WWOX: variants seen among roughly 807,000 people sequenced by gnomAD.
The protein encoded by WWOX is WW domain containing oxidoreductase.
Under a neutral mutation model 46.2 loss-of-function variants are expected in WWOX, and 69 were observed. The observed-to-expected ratio is 1.49, with a 90% CI of 1.23 to 1.82. The LOEUF (loss-of-function observed/expected upper bound fraction) is 1.82, where lower values mean the gene tolerates loss of function less well. Among genes scored for constraint, WWOX ranks in the 40% most tolerant of loss-of-function variants. The pLI, the probability that WWOX is intolerant of heterozygous loss-of-function variation, is 0.00. For synonymous variants in WWOX, 359 were observed against 202.6 expected (o/e 1.77, Z -6.56); for missense variants, 919 against 542.6 (o/e 1.69, Z -6.89).
At chr16:78,617,752 G>A (rs77283896) in intron 8 of WWOX, among the ~76,000 whole-genome samples, 4,397 of 152,192 alleles carry the variant, frequency 0.029, 233 homozygotes, top group African/African-American at 0.1. Flanking sequence ...GTGCCATCTT[G>A]GGCATCTCAC....
At chr16:78,855,746 C>T (rs1339384778) in intron 8 of WWOX, among the ~76,000 whole-genome samples, 5 of 152,180 alleles carry the variant, frequency 3.3e-5, no homozygotes, top group Non-Finnish European at 5.9e-5. Context: ...CCTCTCCTAA[C>T]TTCTGTGTTT....
chr16:79,028,304 T>A (rs1376563075), intron 8 of WWOX, among the ~76,000 whole-genome samples: 1 of 151,960 alleles, frequency 6.6e-6, no homozygotes, highest in South Asian at 2.1e-4. Context: ...AAATGGAAAG[T>A]TCCCCTGGAT....
chr16:78,922,696 A>T (rs2045407201), intron 8 of WWOX, among the ~76,000 whole-genome samples: 2 of 151,840 alleles, frequency 1.3e-5, no homozygotes, highest in Non-Finnish European at 1.5e-5. Flanking sequence ...ATGTTTTTTA[A>T]TTTGGAAAGG....
rs111326602 is a variant in WWOX at position 78,546,680 on chromosome 16, G to A, written c.1056+113928G>A. Among the ~76,000 whole-genome samples, 41 of 152,288 alleles carry A rather than the reference G, an allele frequency of 2.7e-4. 1 individual carries two copies. Among genetic ancestry groups the A allele is most frequent in the African/African-American group, 9.6e-4 (40 of 41,552 alleles). On this transcript the variant is annotated intron_variant, in intron 8 of 8. Transcript: ENST00000566780. ...GTTAGTACATTCAGGATGGGGTCTA[G>A]GAATCAGTGTGTTTAAGAAGTGCAT...
chr16:79,175,855 T>G (rs2050789974), intron 8 of WWOX, among the ~76,000 whole-genome samples: 1 of 152,188 alleles, frequency 6.6e-6, no homozygotes, highest in African/African-American at 2.4e-5. Context: ...CCCACTCCCC[T>G]AATTACTCAT....
At chr16:79,064,146 C>T (rs2048401906) in intron 8 of WWOX, among the ~76,000 whole-genome samples, 1 of 152,136 alleles carries the variant, frequency 6.6e-6, no homozygotes, top group African/African-American at 2.4e-5. Context: ...AGTTTTCTTC[C>T]ATCACAGGCA....
intron 5 of WWOX, among the ~76,000 whole-genome samples, chr16:78,262,254 T>C (rs2079261732): frequency 6.6e-6 from 1 of 152,180 alleles, no homozygotes; most frequent in Admixed American, 6.5e-5. Context: ...TATTTCGGTC[T>C]CTGTTAGATA....
Position 78,995,010 on chromosome 16 carries a change from C to G in WWOX, c.1057-216598C>G, listed in dbSNP as rs1001101898. Among the ~76,000 whole-genome samples, 16 of 127,416 alleles carry G rather than the reference C, an allele frequency of 1.3e-4. No individual in the cohort carries two copies. The Admixed American group carries it at 1.3e-3, about 11-fold the overall frequency. 83.6% of individuals were successfully genotyped at this position (127,416 alleles called of 152,430 possible). On this transcript the variant is annotated intron_variant, in intron 8 of 8. Transcript: ENST00000566780. ...TTTTGTTTTTCCTCCCAGCCTCTCTCCTTTCCCATTATGCACAATGCGCTG... is the reference window on the plus strand; with the variant it reads ...TTTTGTTTTTCCTCCCAGCCTCTCTGCTTTCCCATTATGCACAATGCGCTG...
intron 4 of WWOX, among the ~76,000 whole-genome samples, chr16:78,154,024 T>C (rs985004043): frequency 2.2e-4 from 34 of 152,102 alleles, no homozygotes; most frequent in Non-Finnish European, 2.9e-5. Context: ...GTGAGTCTCA[T>C]GGTGTGCGGC....
At chr16:78,796,574 C>T (rs756031067) in intron 8 of WWOX, among the ~76,000 whole-genome samples, 2 of 152,216 alleles carry the variant, frequency 1.3e-5, no homozygotes, top group Non-Finnish European at 2.9e-5. Flanking sequence ...AGATTGCTTA[C>T]AATATTGCTT....
intron 4 of WWOX, among the ~76,000 whole-genome samples, chr16:78,126,185 A>G (rs2033353805): frequency 6.6e-6 from 1 of 152,116 alleles, no homozygotes; most frequent in Non-Finnish European, 1.5e-5. Flanking sequence ...CAGCTTTTTA[A>G]TAGCTGTGGA....
chr16:78,222,409 C>T (rs2036918387), intron 5 of WWOX, among the ~76,000 whole-genome samples: 1 of 151,282 alleles, frequency 6.6e-6, no homozygotes, highest in African/African-American at 2.4e-5. Flanking sequence ...ACAACCTGTG[C>T]CCACAGCCTT....
At chr16:78,578,891 A>G (rs1353680222) in intron 8 of WWOX, among the ~76,000 whole-genome samples, 1 of 152,184 alleles carries the variant, frequency 6.6e-6, no homozygotes, top group Admixed American at 6.5e-5. Flanking sequence ...GCATCTCTAC[A>G]AACAAATATT....
intron 8 of WWOX, among the ~76,000 whole-genome samples, chr16:78,654,427 G>C (rs969491873): frequency 3.3e-5 from 5 of 152,150 alleles, no homozygotes; most frequent in African/African-American, 9.7e-5. Flanking sequence ...TATTGAAAAT[G>C]TTAGCAATAT....
chr16:78,935,125 G>A (rs2045708740), intron 8 of WWOX, among the ~76,000 whole-genome samples: 1 of 152,182 alleles, frequency 6.6e-6, no homozygotes, highest in South Asian at 2.1e-4. Flanking sequence ...AGAGGATGTA[G>A]AGAAATAGGA....
intron 8 of WWOX, among the ~76,000 whole-genome samples, chr16:78,508,310 CTTTTT>C (rs60281450): frequency 6.2e-5 from 7 of 112,796 alleles, no homozygotes; most frequent in Admixed American, 2.7e-4. Flanking sequence ...TGCGCCCGGC[CTTTTT>C]TTTTTTTTTT....
chr16:79,081,626 C>G (rs1047546847), intron 8 of WWOX, among the ~76,000 whole-genome samples: 59 of 152,292 alleles, frequency 3.9e-4, no homozygotes, highest in African/African-American at 1.3e-3. Flanking sequence ...TTGGTCAAGA[C>G]TTTTCTCACT....
chr16:78,527,421 G>A (rs897438089), intron 8 of WWOX, among the ~76,000 whole-genome samples: 3 of 151,620 alleles, frequency 2.0e-5, no homozygotes, highest in Non-Finnish European at 4.4e-5. Context: ...GGGCCCCTGA[G>A]TAGCTGGGAC....
At chr16:79,015,127 T>A (rs1305493073) in intron 8 of WWOX, among the ~76,000 whole-genome samples, 1 of 152,200 alleles carries the variant, frequency 6.6e-6, no homozygotes, top group Non-Finnish European at 1.5e-5. Flanking sequence ...TGCATTTGCC[T>A]GTGATTTGCC....
Sources: gnomAD v4.1 joint callset for allele counts (sites outside exome capture counted in the v4.1 genomes callset) on GRCh38, gnomAD v4.1.1 for gene constraint, MANE v1.5 for transcripts, NCBI Gene and HGNC (gene_info 2026-07-23, HGNC 2026-07-21) for gene names.